The following STAG2 variants were observed in gnomAD, a reference collection of about 807,000 sequenced individuals.
The protein encoded by STAG2 is STAG2 cohesin complex component, also known as cohesin subunit SA-2.
STAG2 carries 14 observed loss-of-function variants against 108.1 expected under a neutral mutation model. That is an observed-to-expected ratio of 0.13 (90% CI 0.09 to 0.20). The LOEUF is 0.20. Ranked by LOEUF, STAG2 falls within the 10% of genes least tolerant of loss-of-function variation. STAG2 has a pLI of 1.00. For missense variants in STAG2, 440 were observed against 940.9 expected (o/e 0.47, Z 6.96); for synonymous variants, 307 against 302.7 (o/e 1.01, Z -0.15).
Position 124,025,911 on chromosome X carries a change from A to G in STAG2, c.116A>G (p.Lys39Arg), listed in dbSNP as rs950567395. ...DIEGKNQKQGKGKTCKKGKKG... is the reference protein window; with the variant it reads ...DIEGKNQKQGRGKTCKKGKKG... ...GAAGGAAAAAACCAAAAGCAAGGCAAAGGCAAAGTATGTATCAAATATTTG... is the reference window on the plus strand; with the variant it reads ...GAAGGAAAAAACCAAAAGCAAGGCAGAGGCAAAGTATGTATCAAATATTTG... The change falls in exon 4 of 35, where the codon AAA (lysine) becomes AGA (arginine). Residue 39 changes from lysine to arginine, a missense_variant. Lys to Arg is a conservative substitution (Grantham distance 26). Around this residue, in one of 3 missense-constraint regions of STAG2, gnomAD observed 34 missense variants for 36.7 expected, o/e 0.93. Transcript: ENST00000371145. 2.2e-5 allele frequency: 26 copies of G among 1,171,791 alleles called. No individual in the cohort carries two copies. Among genetic ancestry groups the G allele is most frequent in the Non-Finnish European group, 2.9e-5 (25 of 866,467 alleles).
intron 6 of STAG2, among the ~76,000 whole-genome samples, chrX:124,040,274 C>T (rs2057668166): frequency 9.0e-6 from 1 of 111,319 alleles, no homozygotes. Context: ...CCATGCTGCT[C>T]CTGACTGCTC....
At chrX:123,991,862 C>CAG (rs200179103) in intron 1 of STAG2, among the ~76,000 whole-genome samples, 3,730 of 111,711 alleles carry the variant, frequency 0.033, 64 homozygotes, top group Non-Finnish European at 0.048. Context: ...CGGGGTTTTT[C>CAG]CCTGTTGGTC....
At chrX:123,991,436 T>G (rs2055456572) in intron 1 of STAG2, among the ~76,000 whole-genome samples, 1 of 110,128 alleles carries the variant, frequency 9.1e-6, no homozygotes, top group Admixed American at 9.7e-5. Context: ...CACTGCAACC[T>G]CCGCCTCCCG....
chrX:124,028,985 T>TTA lies in STAG2; in HGVS notation c.124-1948_124-1947dup, dbSNP rs376061447. Among the ~76,000 whole-genome samples the TTA allele has an allele frequency of 7.4e-3, 473 of 63,896 alleles. 2 individuals are homozygous for TTA. Among genetic ancestry groups the TTA allele is most frequent in the African/African-American group, 0.031 (453 of 14,550 alleles). The allele number at this position is 63,896 out of a possible 115,157, so 55.5% of individuals were successfully genotyped here. A position where few individuals can be genotyped will look rare whatever the true frequency, so the allele number is the denominator to read the frequency against. On this transcript the variant is annotated intron_variant, in intron 4 of 34. Transcript: ENST00000371145. ...TATTTATTTATTTATTTATTTTTAT[T>TTA]TATATATATATATATATATATATAT... is the stretch of plus-strand genomic sequence containing the variant.
chrX:123,974,857 A>C (rs768837313), intron 1 of STAG2, among the ~76,000 whole-genome samples: 37 of 111,801 alleles, frequency 3.3e-4, no homozygotes, highest in African/African-American at 1.1e-3. Flanking sequence ...GATTACAGGC[A>C]TGAGCCACCA....
intron 1 of STAG2, among the ~76,000 whole-genome samples, chrX:123,966,410 T>C (rs1353161267): frequency 2.8e-5 from 3 of 108,055 alleles, no homozygotes; most frequent in African/African-American, 1.0e-4. Context: ...TGCAGTGAGC[T>C]GAGATCGCGC....
At chrX:124,030,061 G>A (rs920723758) in intron 4 of STAG2, among the ~76,000 whole-genome samples, 2 of 110,871 alleles carry the variant, frequency 1.8e-5, no homozygotes, top group Non-Finnish European at 3.8e-5. Flanking sequence ...AATGTTGGAG[G>A]GAGGCCTAGA....
chrX:124,100,681 C>A lies in STAG2; in HGVS notation c.*84C>A. On this transcript the variant is annotated 3_prime_UTR_variant, in exon 35 of 35. Transcript: ENST00000371145. ...AAAGTGTGGTAGATACAGTGAAATTCTGTACAGATTTTTCTCTAAGGAGAA... is the reference window on the plus strand; with the variant it reads ...AAAGTGTGGTAGATACAGTGAAATTATGTACAGATTTTTCTCTAAGGAGAA... The A allele has an allele frequency of 2.4e-6, 2 of 822,309 alleles. No individual in the cohort carries two copies. Among genetic ancestry groups the A allele is most frequent in the African/African-American group, 2.0e-5 (1 of 49,308 alleles). 67.8% of individuals were successfully genotyped at this position (822,309 alleles called of 1,213,427 possible). A position where few individuals can be genotyped will look rare whatever the true frequency, so the allele number is the denominator to read the frequency against.
intron 11 of STAG2, 40 bp from the exon 12 acceptor site, chrX:124,051,081 T>G: frequency 1.2e-6 from 1 of 825,022 alleles, no homozygotes; most frequent in Non-Finnish European, 1.7e-6. Context: ...TACATAGAGT[T>G]TTAATGCATT....
At position 124,081,420 on chromosome X, in the gene STAG2, A is replaced by G; in HGVS notation, c.2816A>G (p.Asp939Gly). The G allele has an allele frequency of 1.7e-6, 2 of 1,170,730 alleles. No individual in the cohort carries two copies. The highest frequency in any genetic ancestry group is 2.0e-5 in the South Asian group (1 of 50,615). ...ATACAAGAAAATGGCTATAATTTTG[A>G]TAGATCATCCTCTACATTTAGTGGC... Reference protein sequence around the residue: ...EMIQENGYNFDRSSSTFSGIK... With the variant: ...EMIQENGYNFGRSSSTFSGIK... Residue 939 changes from aspartate to glycine, a missense_variant, in exon 28 of 35, where the codon GAT becomes GGT. Coordinates refer to ENST00000371145, the MANE Select transcript of STAG2 (RefSeq NM_001042750.2).
At chrX:124,024,537 C>T (rs2057033990) in intron 3 of STAG2, among the ~76,000 whole-genome samples, 1 of 110,953 alleles carries the variant, frequency 9.0e-6, no homozygotes, top group Non-Finnish European at 1.9e-5. Flanking sequence ...CCTTTCCTCT[C>T]AACATTGTAG....
At chrX:123,998,163 G>A (rs943229854) in intron 1 of STAG2, among the ~76,000 whole-genome samples, 28 of 99,977 alleles carry the variant, frequency 2.8e-4, no homozygotes, top group African/African-American at 1.0e-3. Context: ...GTAATACTGT[G>A]TTTAATTTTT....
chrX:124,028,820 A>ATT (rs2057203221), intron 4 of STAG2, among the ~76,000 whole-genome samples: 4 of 27,772 alleles, frequency 1.4e-4, no homozygotes, highest in African/African-American at 5.2e-4. Context: ...ATATATATAT[A>ATT]TATTTTTTTT....
chrX:124,069,214 A>G (rs749094201), intron 24 of STAG2, among the ~76,000 whole-genome samples: 1 of 112,357 alleles, frequency 8.9e-6, no homozygotes, highest in African/African-American at 3.2e-5. Context: ...TGATCCTAGA[A>G]CTAACATCAT....
rs1046650470 is a variant in STAG2 at position 124,089,596 on chromosome X, C to T, written c.3278-979C>T. Among the ~76,000 whole-genome samples the T allele has an allele frequency of 1.9e-4, 21 of 110,606 alleles. No homozygotes were observed. The Admixed American group carries it at 1.9e-3, about 10-fold the overall frequency. ...CCTTTTAACTGGTCTGTTTGCTCACCGGTATTCTGTTTTTAAGTTCACTCC... is the reference window on the plus strand; with the variant it reads ...CCTTTTAACTGGTCTGTTTGCTCACTGGTATTCTGTTTTTAAGTTCACTCC... On this transcript the variant is annotated intron_variant, in intron 30 of 34. Transcript: ENST00000371145.
chrX:124,089,944 T>A (rs991257314), intron 30 of STAG2, among the ~76,000 whole-genome samples: 2 of 109,732 alleles, frequency 1.8e-5, no homozygotes, highest in Non-Finnish European at 3.8e-5. Flanking sequence ...GCAGATCATT[T>A]GAGGCCAGGA....
rs539112069 is a variant in STAG2, at chrX:124,062,557, A to T, written c.1639-345A>T. On this transcript the variant is annotated intron_variant, in intron 17 of 34. Transcript: ENST00000371145. Reference sequence around the variant, plus strand: ...GTCCCACAGCCTAGAGTAAGCAGAAATGCTGGTCAATCCCAGTATTTTATA... The same window carrying T: ...GTCCCACAGCCTAGAGTAAGCAGAATTGCTGGTCAATCCCAGTATTTTATA... Among the ~76,000 whole-genome samples the T allele has an allele frequency of 9.8e-5, 11 of 112,261 alleles. No homozygotes were observed. In the South Asian group the frequency reaches 4.0e-3, roughly 41 times the overall value.
At chrX:123,967,256 A>AT (rs1177101640) in intron 1 of STAG2, among the ~76,000 whole-genome samples, 1,286 of 50,212 alleles carry the variant, frequency 0.026, 191 homozygotes, top group African/African-American at 0.056. Flanking sequence ...TCAATGGTGT[A>AT]TTTTTTTTTT....
chrX:124,068,110 A>G (rs946482530), intron 23 of STAG2, among the ~76,000 whole-genome samples: 7 of 111,630 alleles, frequency 6.3e-5, no homozygotes, highest in African/African-American at 2.3e-4. Flanking sequence ...AATATTTTCC[A>G]TTCTGAGTTT....
Sources: gnomAD v4.1 joint callset for allele counts (sites outside exome capture counted in the v4.1 genomes callset) on GRCh38, gnomAD v4.1.1 for gene constraint, gnomAD v4.1.1 regional missense constraint, MANE v1.5 for transcripts, NCBI Gene and HGNC (gene_info 2026-07-23, HGNC 2026-07-21) for gene names.